RECQL: variants seen among roughly 807,000 people sequenced by gnomAD.
The protein encoded by RECQL is ATP-dependent DNA helicase Q1.
RECQL carries 73 observed loss-of-function variants against 75.8 expected under a neutral mutation model. The ratio of observed to expected loss-of-function variants is 0.96; its 90% CI spans 0.80 to 1.17. RECQL has a LOEUF of 1.17. Ranked by LOEUF, RECQL falls within the 50% of genes most tolerant of loss-of-function variation. RECQL has a pLI of 0.00. For missense variants in RECQL, 699 were observed against 772.1 expected, an observed-to-expected ratio of 0.91 and a Z score of 1.12; for synonymous variants, 248 against 254.4, an observed-to-expected ratio of 0.97 and a Z score of 0.24.
At chr12:21,477,703 G>A (rs1360944732) in intron 7 of RECQL, 100 bp downstream of exon 7, 1 of 905,054 alleles carries the variant, frequency 1.1e-6, no homozygotes, top group East Asian at 2.9e-5. Flanking sequence ...AAAAATTTTT[G>A]TAAGTACTTA....
At chr12:21,472,569 C>T (rs922234164) in intron 12 of RECQL, among the ~76,000 whole-genome samples, 2 of 152,190 alleles carry the variant, frequency 1.3e-5, no homozygotes, top group East Asian at 1.9e-4. Flanking sequence ...ATGTAATTTT[C>T]GGGCATTGTC....
In RECQL at chr12:21,486,594, G is replaced by C; in HGVS notation, c.395-9C>G. The stretch of plus-strand genomic sequence containing the variant: ...AATGACGAGTGTAAAACCTAAAAGA[G>C]AAAAAAAAAAAAATCTACCTTAAAC... On this transcript the variant is annotated splice_polypyrimidine_tract_variant and intron_variant, in intron 4 of 14. Transcript: ENST00000444129. 7.8e-7 allele frequency: 1 copy of C among 1,281,886 alleles called. No homozygotes were observed. Among genetic ancestry groups the C allele is most frequent in the Non-Finnish European group, 1.0e-6 (1 of 971,464 alleles). The allele number at this position is 1,281,886 out of a possible 1,614,324, so 79.4% of individuals were successfully genotyped here. A position where few individuals can be genotyped will look rare whatever the true frequency, so the allele number is the denominator to read the frequency against.
chr12:21,471,638 C>A lies in RECQL; in HGVS notation c.1457G>T (p.Arg486Ile). Residue 486 changes from arginine to isoleucine, a missense_variant, in exon 13 of 15, where the codon AGA becomes ATA. Around this residue, in one of 2 missense-constraint regions of RECQL, gnomAD observed 669 missense variants for 713.5 expected, o/e 0.94. Transcript: ENST00000444129. ...TCTGCAGTACTCTGTTATGTTCTTT[C>A]TTTCAAATGCTGTAATAAAACAAAT... ...DNCCKDSAFE[R>I]KNITEYCRDL... is the part of the protein sequence containing the mutation. The A allele has an allele frequency of 1.9e-6, 3 of 1,611,304 alleles. No homozygotes were observed. The highest frequency in any genetic ancestry group is 2.5e-6 in the Non-Finnish European group (3 of 1,177,908).
In RECQL at chr12:21,470,502, A is replaced by G. The variant is rs920060148; in HGVS notation, c.1798-156T>C. 6.7e-4 allele frequency: 686 copies of G among 1,022,416 alleles called. 2 individuals are homozygous for G. The highest frequency in any genetic ancestry group is 9.4e-4 in the Admixed American group (27 of 28,698). 63.3% of individuals were successfully genotyped at this position (1,022,416 alleles called of 1,614,324 possible). A position where few individuals can be genotyped will look rare whatever the true frequency, so the allele number is the denominator to read the frequency against. On this transcript the variant is annotated intron_variant, in intron 14 of 14. Transcript: ENST00000444129. Reference sequence around the variant, plus strand: ...TTTTTATCTACAAATTTCTATTCAAATATGAGCTCTATTTTGAATAAAAGG... The same window carrying G: ...TTTTTATCTACAAATTTCTATTCAAGTATGAGCTCTATTTTGAATAAAAGG...
chr12:21,486,460 A>G lies in RECQL; in HGVS notation c.501+19T>C, dbSNP rs1943297776. The G allele has an allele frequency of 6.4e-7, 1 of 1,555,652 alleles. No homozygotes were observed. The highest frequency in any genetic ancestry group is 8.6e-7 in the Non-Finnish European group (1 of 1,158,714). On this transcript the variant is annotated intron_variant, in intron 5 of 14. Transcript: ENST00000444129. ...AGTGAATAGTTTACATTAAAAAAAAAAAAGCCACTGAAACATACCTTAGAA... is the reference window on the plus strand; with the variant it reads ...AGTGAATAGTTTACATTAAAAAAAAGAAAGCCACTGAAACATACCTTAGAA...
At chr12:21,491,842 G>T in intron 2 of RECQL, 126 bp from the exon 3 acceptor site, 1 of 830,658 alleles carries the variant, frequency 1.2e-6, no homozygotes, top group Non-Finnish European at 1.8e-6. Context: ...TAGCAGAATG[G>T]TTATGAGCAT....
intron 1 of RECQL, among the ~76,000 whole-genome samples, chr12:21,499,939 G>A (rs1284930895): frequency 6.6e-6 from 1 of 152,204 alleles, no homozygotes; most frequent in Non-Finnish European, 1.5e-5. Context: ...ACAAAGTGAT[G>A]TAACAAAAAA....
chr12:21,491,587 C>A lies in RECQL; in HGVS notation c.146G>T (p.Cys49Phe). 6.2e-7 allele frequency: 1 copy of A among 1,612,182 alleles called. No homozygotes were observed. The highest frequency in any genetic ancestry group is 8.5e-7 in the Non-Finnish European group (1 of 1,179,552). Residue 49 changes from cysteine to phenylalanine, a missense_variant, in exon 3 of 15, where the codon TGT becomes TTT. Transcript: ENST00000444129. ...KKVLTKKIKQCLEDSDAGASN... is the reference protein window; with the variant it reads ...KKVLTKKIKQFLEDSDAGASN... ...TGCCCCGGCATCAGAATCCTCTAAA[C>A]ACTGCTTTATTTTCTTTGTCAGGAC...
intron 7 of RECQL, 21 bp from the exon 8 acceptor site, chr12:21,477,013 T>A (rs1943100161): frequency 1.3e-6 from 2 of 1,571,300 alleles, no homozygotes; most frequent in East Asian, 2.3e-5. Flanking sequence ...CTTAACTTAT[T>A]AAAAAGTAAA....
intron 12 of RECQL, among the ~76,000 whole-genome samples, chr12:21,472,012 C>T (rs1942979726): frequency 6.6e-6 from 1 of 152,028 alleles, no homozygotes; most frequent in Admixed American, 6.6e-5. Flanking sequence ...TGAGTGAACT[C>T]TGATTTAGCA....
chr12:21,492,896 C>T lies in RECQL; in HGVS notation c.17-1180G>A, dbSNP rs550693708. Among the ~76,000 whole-genome samples, 9 of 152,336 alleles carry T rather than the reference C, an allele frequency of 5.9e-5. No homozygotes were observed. The East Asian group carries it at 1.5e-3, about 26-fold the overall frequency. ...ATCCTAACTTTGTCCTCATGAATTT[C>T]AACTTATCCTTGCAGCTTCCAGCTC... On this transcript the variant is annotated intron_variant, in intron 2 of 14. Coordinates refer to ENST00000444129, the MANE Select transcript of RECQL (RefSeq NM_002907.4).
At chr12:21,488,471 C>CAGACCTCTAACACCAGGCTTT (rs1226473847) in intron 4 of RECQL, among the ~76,000 whole-genome samples, 1 of 152,216 alleles carries the variant, frequency 6.6e-6, no homozygotes, top group East Asian at 1.9e-4. Flanking sequence ...ACCCCCAACT[C>CAGACCTCTAACACCAGGCTTT]AGACCTCTAA....
chr12:21,475,133 A>T (rs1404432820), intron 10 of RECQL, among the ~76,000 whole-genome samples, 154 bp from the exon 11 acceptor site: 1 of 151,908 alleles, frequency 6.6e-6, no homozygotes, highest in Non-Finnish European at 1.5e-5. Context: ...CCCTCAAATT[A>T]AAAAAAACTC....
At chr12:21,477,104 A>G in intron 7 of RECQL, 112 bp from the exon 8 acceptor site, 1 of 652,406 alleles carries the variant, frequency 1.5e-6, no homozygotes, top group Non-Finnish European at 2.5e-6. Context: ...TTTTTTTCCT[A>G]TTACTCTTTC....
chr12:21,494,665 G>A (rs1056459171), intron 2 of RECQL, among the ~76,000 whole-genome samples: 7 of 152,188 alleles, frequency 4.6e-5, no homozygotes, highest in African/African-American at 1.7e-4. Context: ...GTGCCAGAGT[G>A]GAAGATCAAA....
At chr12:21,478,457 A>T (rs982551738) in intron 6 of RECQL, among the ~76,000 whole-genome samples, 1 of 152,246 alleles carries the variant, frequency 6.6e-6, no homozygotes, top group African/African-American at 2.4e-5. Flanking sequence ...GAGGACTACT[A>T]TGAAAACAAA....
chr12:21,484,951 A>T (rs1427220395), intron 5 of RECQL, among the ~76,000 whole-genome samples: 2 of 152,124 alleles, frequency 1.3e-5, no homozygotes, highest in Non-Finnish European at 2.9e-5. Flanking sequence ...AGAGTTAATG[A>T]GGAAAAAGTT....
chr12:21,478,064 G>A (rs2137351845), intron 6 of RECQL, 95 bp from the exon 7 acceptor site: 2 of 1,279,490 alleles, frequency 1.6e-6, no homozygotes, highest in South Asian at 3.2e-5. Context: ...TGACTACTAT[G>A]ATTTTGTTTC....
At chr12:21,477,755 CT>C (rs774171258) in intron 7 of RECQL, 47 bp downstream of exon 7, 1 of 1,471,258 alleles carries the variant, frequency 6.8e-7, no homozygotes, top group Non-Finnish European at 9.3e-7. Context: ...CAGATCCCCT[CT>C]GCGTAATTCT....
Sources: gnomAD v4.1 joint callset for allele counts (sites outside exome capture counted in the v4.1 genomes callset) on GRCh38, gnomAD v4.1.1 for gene constraint, gnomAD v4.1.1 regional missense constraint, MANE v1.5 for transcripts, NCBI Gene and HGNC (gene_info 2026-07-23, HGNC 2026-07-21) for gene names.